GAD1: variants seen among roughly 807,000 people sequenced by gnomAD.
The protein encoded by GAD1 is glutamate decarboxylase 1.
A neutral mutation model predicts 75.2 loss-of-function variants in GAD1; 35 were observed. That is an observed-to-expected ratio of 0.47 (90% CI 0.36 to 0.62). GAD1 has a LOEUF of 0.62. Among genes scored for constraint, GAD1 ranks in the 20% least tolerant of loss-of-function variants. The pLI is 0.00. For missense variants in GAD1, 490 were observed against 758.5 expected (o/e 0.65, Z 4.16); for synonymous variants, 257 against 271.9 (o/e 0.95, Z 0.54).
chr2:170,858,114 C>G (rs1345240917), intron 15 of GAD1, among the ~76,000 whole-genome samples: 1 of 152,166 alleles, frequency 6.6e-6, no homozygotes, highest in Non-Finnish European at 1.5e-5. Flanking sequence ...CTACTTTAAA[C>G]ACTCTTAATA....
chr2:170,847,830 G>T, intron 11 of GAD1, 38 bp downstream of exon 11: 3 of 1,376,556 alleles, frequency 2.2e-6, no homozygotes, highest in Non-Finnish European at 3.1e-6. Flanking sequence ...CATGTGGGGG[G>T]TGGAGGCACC....
At chr2:170,829,046 C>T (rs1345899831) in intron 3 of GAD1, 2 of 312,044 alleles carry the variant, frequency 6.4e-6, no homozygotes, top group Non-Finnish European at 1.2e-5. Context: ...GCTGTCCTCA[C>T]CTCTCCTCCT....
At chr2:170,828,756 C>CCCT (rs1702129505) in intron 3 of GAD1, among the ~76,000 whole-genome samples, 1 of 144,332 alleles carries the variant, frequency 6.9e-6, no homozygotes, top group African/African-American at 2.6e-5. Context: ...GCTGTCCTCG[C>CCCT]CCTCCTACCT....
chr2:170,832,695 C>CACACAT (rs895613808), intron 5 of GAD1, among the ~76,000 whole-genome samples: 1 of 151,732 alleles, frequency 6.6e-6, no homozygotes, highest in Non-Finnish European at 1.5e-5. Context: ...CACACACACA[C>CACACAT]ATACACACAT....
upstream of GAD1, among the ~76,000 whole-genome samples, chr2:170,815,164 C>A (rs1332528627): frequency 2.6e-5 from 4 of 152,156 alleles, no homozygotes; most frequent in African/African-American, 9.7e-5. Flanking sequence ...GTATGCCGCC[C>A]ACTTCAAGCA....
At position 170,853,659 on chromosome 2, in the gene GAD1, A is replaced by G. The variant is rs751772361; in HGVS notation, c.1264-214A>G. The G allele has an allele frequency of 9.1e-5, 50 of 551,996 alleles. 1 individual carries two copies. The highest frequency in any genetic ancestry group is 8.8e-4 in the South Asian group (45 of 51,060). The allele number at this position is 551,996 out of a possible 1,614,324, so 34.2% of individuals were successfully genotyped here. On this transcript the variant is annotated intron_variant, in intron 13 of 16. Transcript: ENST00000358196. This position sits in a 1 kb window ranked among gnomAD's most constrained non-coding sequence, Gnocchi z 4.1. ...GGATGGCATCTGAGACGGAAAGATC[A>G]TCTTCTAATCAGAGAGTCAGAGACA...
Position 170,860,120 on chromosome 2 carries a change from C to T in GAD1, c.*238C>T, listed in dbSNP as rs889320894. The T allele has an allele frequency of 3.9e-6, 2 of 513,934 alleles. No homozygotes were observed. 31.8% of individuals were successfully genotyped at this position (513,934 alleles called of 1,614,324 possible). The stretch of plus-strand genomic sequence containing the variant: ...TATATGTACAGTTATACATACCTCT[C>T]TCTATATATACATGTATAGTGAGTG... On this transcript the variant is annotated 3_prime_UTR_variant, in exon 17 of 17. Transcript: ENST00000358196.
intron 5 of GAD1, among the ~76,000 whole-genome samples, chr2:170,831,634 G>GTGTGTGTGTGTGTGTGTGTGTA (rs1165758709): frequency 2.2e-4 from 29 of 132,110 alleles, no homozygotes; most frequent in African/African-American, 7.3e-4. Flanking sequence ...GTGTGTGTGT[G>GTGTGTGTGTGTGTGTGTGTGTA]TATATACCTA....
intron 3 of GAD1, 75 bp downstream of exon 3, chr2:170,822,224 G>T: frequency 1.6e-6 from 2 of 1,217,828 alleles, no homozygotes; most frequent in Admixed American, 1.9e-5. Context: ...AGACTGGGAC[G>T]CAAGCGGAGG....
intron 11 of GAD1, among the ~76,000 whole-genome samples, chr2:170,848,512 A>G (rs990245900): frequency 2.0e-5 from 3 of 151,526 alleles, no homozygotes; most frequent in Non-Finnish European, 2.9e-5. Flanking sequence ...AAAAAAAAAA[A>G]GAAAAAAGAA....
upstream of GAD1, among the ~76,000 whole-genome samples, chr2:170,815,493 A>T (rs1356107025): frequency 6.6e-6 from 1 of 152,134 alleles, no homozygotes; most frequent in Non-Finnish European, 1.5e-5. Flanking sequence ...TCGGTAATTT[A>T]TAATATTTTT....
Position 170,853,750 on chromosome 2 carries a change from T to A in GAD1, c.1264-123T>A. 1.0e-6 allele frequency: 1 copy of A among 953,602 alleles called. No individual in the cohort carries two copies. The highest frequency in any genetic ancestry group is 1.7e-6 in the Non-Finnish European group (1 of 591,936). 59.1% of individuals were successfully genotyped at this position (953,602 alleles called of 1,614,324 possible). On this transcript the variant is annotated intron_variant, in intron 13 of 16. Transcript: ENST00000358196. This position sits in a 1 kb window ranked among gnomAD's most constrained non-coding sequence, Gnocchi z 4.1. Reference sequence around the variant, plus strand: ...GCATCAGAACAAGTGTAAGGCCTCATAAAGACATCAGAAGAAAGATTGCAT... The same window carrying A: ...GCATCAGAACAAGTGTAAGGCCTCAAAAAGACATCAGAAGAAAGATTGCAT...
chr2:170,844,679 AATTG>A (rs1393322530), intron 7 of GAD1, among the ~76,000 whole-genome samples: 3 of 152,314 alleles, frequency 2.0e-5, no homozygotes, highest in Admixed American at 2.0e-4. Context: ...ATTATTAATT[AATTG>A]ATTGATTTCA....
At chr2:170,856,034 G>C (rs1457394087) in intron 14 of GAD1, among the ~76,000 whole-genome samples, 1 of 152,164 alleles carries the variant, frequency 6.6e-6, no homozygotes, top group Non-Finnish European at 1.5e-5. Context: ...TTTGACCATA[G>C]TGATTGGTTG....
At chr2:170,856,903 C>A in intron 14 of GAD1, 115 bp from the exon 15 acceptor site, 1 of 829,720 alleles carries the variant, frequency 1.2e-6, no homozygotes, top group Admixed American at 1.7e-5. Context: ...TTCTTCCTAA[C>A]CAGCTCCAAA....
At chr2:170,823,174 A>G (rs554067986) in intron 3 of GAD1, among the ~76,000 whole-genome samples, 112 of 152,276 alleles carry the variant, frequency 7.4e-4, no homozygotes, top group African/African-American at 2.5e-3. Context: ...GCGGCTTATT[A>G]AAGAGCCATC....
Position 170,837,898 on chromosome 2 carries a change from C to T in GAD1, c.638+1015C>T, listed in dbSNP as rs369255352. ...AAATCCATTTGATATCAAGATAGAACGTAAATTACTGAAGTTTAAGGTAGT... is the reference window on the plus strand; with the variant it reads ...AAATCCATTTGATATCAAGATAGAATGTAAATTACTGAAGTTTAAGGTAGT... On this transcript the variant is annotated intron_variant, in intron 6 of 16. Transcript: ENST00000358196. Among the ~76,000 whole-genome samples the T allele has an allele frequency of 5.9e-5, 9 of 152,208 alleles. No individual in the cohort carries two copies. The South Asian group carries it at 1.0e-3, about 18-fold the overall frequency.
chr2:170,817,807 C>T (rs528937021), intron 1 of GAD1: 2 of 152,584 alleles, frequency 1.3e-5, no homozygotes, highest in South Asian at 4.1e-4. Flanking sequence ...CGAAACCTCG[C>T]CCTAGGCTTA....
upstream of GAD1, among the ~76,000 whole-genome samples, chr2:170,814,482 T>A (rs1054098107): frequency 1.3e-5 from 2 of 152,144 alleles, no homozygotes; most frequent in African/African-American, 4.8e-5. Context: ...TTGGAGGAGA[T>A]CATTGAAAAT....
Sources: allele counts gnomAD v4.1 joint callset (sites outside exome capture counted in the v4.1 genomes callset), GRCh38; gene constraint gnomAD v4.1.1; non-coding constraint Gnocchi (gnomAD v3.1); transcripts MANE v1.5; gene names NCBI Gene and HGNC (gene_info 2026-07-23, HGNC 2026-07-21).